PRKN: variants seen among roughly 807,000 people sequenced by gnomAD.
PRKN encodes the protein parkin RBR E3 ubiquitin protein ligase, also known as E3 ubiquitin-protein ligase parkin.
In PRKN, 56 loss-of-function variants were observed where a neutral mutation model predicts 59.5. The ratio of observed to expected loss-of-function variants is 0.94; its 90% confidence interval spans 0.76 to 1.18. PRKN has a LOEUF of 1.18. Among genes scored for constraint, PRKN ranks in the 50% most tolerant of loss-of-function variants. PRKN has a pLI of 0.00. For synonymous variants in PRKN, 250 were observed against 222.1 expected, an observed-to-expected ratio of 1.13 and a Z score of -1.12; for missense variants, 657 against 596.4, an observed-to-expected ratio of 1.10 and a Z score of -1.06.
At chr6:162,067,595 T>A (rs1480638338) in intron 4 of PRKN, among the ~76,000 whole-genome samples, 1 of 152,230 alleles carries the variant, frequency 6.6e-6, no homozygotes, top group African/African-American at 2.4e-5. Flanking sequence ...TTACCAAATG[T>A]GTTCTATAGT....
At chr6:161,724,798 T>C (rs1278516418) in intron 7 of PRKN, among the ~76,000 whole-genome samples, 1 of 152,194 alleles carries the variant, frequency 6.6e-6, no homozygotes, top group Non-Finnish European at 1.5e-5. Context: ...TAATTGTGGG[T>C]GATATAATTT....
chr6:162,271,043 G>T (rs1335461544), intron 2 of PRKN, among the ~76,000 whole-genome samples: 2 of 124,080 alleles, frequency 1.6e-5, no homozygotes, highest in East Asian at 4.8e-4. Context: ...TTTTTGTAGA[G>T]ATGGGATCTC....
At chr6:162,650,965 G>C (rs1469357775) in intron 1 of PRKN, among the ~76,000 whole-genome samples, 1 of 152,172 alleles carries the variant, frequency 6.6e-6, no homozygotes, top group African/African-American at 2.4e-5. Flanking sequence ...CTGGTGGAGA[G>C]AATGTGAGGG....
intron 4 of PRKN, among the ~76,000 whole-genome samples, chr6:162,071,642 G>A (rs1339950649): frequency 6.6e-6 from 1 of 151,044 alleles, no homozygotes; most frequent in East Asian, 2.0e-4. Flanking sequence ...TGTAGCCCAG[G>A]CTGGAGTGCA....
intron 6 of PRKN, among the ~76,000 whole-genome samples, chr6:161,960,460 G>A (rs963211816): frequency 7.9e-5 from 12 of 152,176 alleles, no homozygotes; most frequent in Non-Finnish European, 1.2e-4. Flanking sequence ...GATAAATCAC[G>A]CGATAAGAAT....
Position 161,397,853 on chromosome 6 carries a change from G to A in PRKN, c.1084-10976C>T, listed in dbSNP as rs556637626. On this transcript the variant is annotated intron_variant, in intron 9 of 11. Coordinates refer to ENST00000366898, the MANE Select transcript of PRKN (RefSeq NM_004562.3). The surrounding 1 kb of genome is among the most constrained non-coding windows in gnomAD (Gnocchi z 4.2). The stretch of plus-strand genomic sequence containing the variant: ...CCAGGGAAAGTACTTTAGTGACCTC[G>A]GAGGCCATAATTTTGGTCCAATGGT... Among the ~76,000 whole-genome samples the A allele has an allele frequency of 3.3e-5, 5 of 152,222 alleles. No homozygotes were observed. Among genetic ancestry groups the A allele is most frequent in the South Asian group, 4.1e-4 (2 of 4,826 alleles).
chr6:161,815,721 C>A (rs7451929), intron 6 of PRKN, among the ~76,000 whole-genome samples: 11,220 of 152,184 alleles, frequency 0.074, 579 homozygotes, highest in Middle Eastern at 0.16. Flanking sequence ...GGGAGGGAGA[C>A]CCCAGCGGGA....
intron 7 of PRKN, among the ~76,000 whole-genome samples, chr6:161,574,867 G>C (rs1399183980): frequency 1.3e-5 from 2 of 152,190 alleles, no homozygotes; most frequent in Non-Finnish European, 2.9e-5. Flanking sequence ...GAATCGAGTA[G>C]TGTTTTTACC....
chr6:162,474,608 T>G (rs1410092248), intron 1 of PRKN, among the ~76,000 whole-genome samples: 1 of 152,194 alleles, frequency 6.6e-6, no homozygotes, highest in Non-Finnish European at 1.5e-5. Context: ...GAAAGTAGTA[T>G]TAATAACAGC....
chr6:162,350,649 T>C (rs916245232), intron 2 of PRKN, among the ~76,000 whole-genome samples: 3 of 152,154 alleles, frequency 2.0e-5, no homozygotes, highest in Non-Finnish European at 4.4e-5. Flanking sequence ...GATTTCTGCT[T>C]TACATCATAT....
At chr6:162,324,507 G>A (rs1373617885) in intron 2 of PRKN, among the ~76,000 whole-genome samples, 1 of 152,082 alleles carries the variant, frequency 6.6e-6, no homozygotes, top group Non-Finnish European at 1.5e-5. Context: ...TAAAGTAAAT[G>A]CATTAGAATA....
intron 6 of PRKN, among the ~76,000 whole-genome samples, chr6:161,926,463 C>T (rs1778974447): frequency 6.6e-6 from 1 of 152,196 alleles, no homozygotes. Context: ...ACTGTCTCTT[C>T]AGCCCTGGAG....
At position 161,466,448 on chromosome 6, in the gene PRKN, C is replaced by G. The variant is rs1406421774; in HGVS notation, c.1084-79571G>C. ...GTAGAAATCTAGAAAATAGTTTTAT[C>G]ATTTCTCCTCCAGTCAACTAGTTTC... On this transcript the variant is annotated intron_variant, in intron 9 of 11. Transcript: ENST00000366898. This position sits in a 1 kb window ranked among gnomAD's most constrained non-coding sequence, Gnocchi z 5.0. Among the ~76,000 whole-genome samples, 1 of 152,084 alleles carries G rather than the reference C, an allele frequency of 6.6e-6. No homozygotes were observed. The highest frequency in any genetic ancestry group is 1.5e-5 in the Non-Finnish European group (1 of 68,030).
intron 2 of PRKN, among the ~76,000 whole-genome samples, chr6:162,275,712 G>A (rs1780607017): frequency 6.6e-6 from 1 of 151,432 alleles, no homozygotes; most frequent in South Asian, 2.1e-4. Context: ...TTGAACCTGG[G>A]AAGCAGAGGT....
At chr6:162,400,714 T>TA (rs944182474) in intron 2 of PRKN, among the ~76,000 whole-genome samples, 1 of 151,888 alleles carries the variant, frequency 6.6e-6, no homozygotes, top group African/African-American at 2.4e-5. Flanking sequence ...CCAGAAAAGG[T>TA]AGATGGGTGG....
intron 4 of PRKN, among the ~76,000 whole-genome samples, chr6:162,068,580 T>C (rs112705917): frequency 1.9e-4 from 29 of 152,226 alleles, no homozygotes; most frequent in African/African-American, 5.8e-4. Flanking sequence ...CTCGGCTTTC[T>C]GCTGCCTGTT....
chr6:161,496,231 T>C (rs1055500894), intron 9 of PRKN, among the ~76,000 whole-genome samples: 12 of 152,178 alleles, frequency 7.9e-5, no homozygotes, highest in African/African-American at 2.9e-4. Flanking sequence ...GCTGGGAGGA[T>C]CGAGTGGCCT....
In PRKN at chr6:161,851,489, G is replaced by GT. The variant is rs372297900; in HGVS notation, c.735-65582dup. On this transcript the variant is annotated intron_variant, in intron 6 of 11. Coordinates refer to ENST00000366898, the MANE Select transcript of PRKN (RefSeq NM_004562.3). ...TATGCACAAATAATGTGTTTTGTTT[G>GT]TTTTTTTTTTGAGACAGAGTCTCAC... Among the ~76,000 whole-genome samples the GT allele has an allele frequency of 8.9e-3, 1,314 of 147,512 alleles. 11 individuals carry two copies. The highest frequency in any genetic ancestry group is 0.03 in the East Asian group (151 of 4,980).
At chr6:162,320,874 T>G (rs2128121616) in intron 2 of PRKN, among the ~76,000 whole-genome samples, 1 of 151,648 alleles carries the variant, frequency 6.6e-6, no homozygotes, top group African/African-American at 2.4e-5. Context: ...ATAACAAAAT[T>G]TAGGGGATGC....
Sources: allele counts gnomAD v4.1 joint callset (sites outside exome capture counted in the v4.1 genomes callset), GRCh38; gene constraint gnomAD v4.1.1; non-coding constraint Gnocchi (gnomAD v3.1); transcripts MANE v1.5; gene names NCBI Gene and HGNC (gene_info 2026-07-23, HGNC 2026-07-21).